CLTCL1: variants seen among roughly 807,000 people sequenced by gnomAD.
The protein encoded by CLTCL1 is clathrin heavy chain 2.
In CLTCL1, 159 loss-of-function variants were observed where a neutral mutation model predicts 190.0. The ratio of observed to expected loss-of-function variants is 0.84; its 90% CI spans 0.74 to 0.95. CLTCL1 has a LOEUF of 0.95. CLTCL1 is among the 40% of genes least tolerant of loss of function. The pLI is 0.00. For missense variants in CLTCL1, 1,878 were observed against 2,033.4 expected (o/e 0.92, Z 1.47); for synonymous variants, 752 against 769.6 (o/e 0.98, Z 0.38).
chr22:19,216,963 G>A (rs1383284104), intron 18 of CLTCL1, among the ~76,000 whole-genome samples: 1 of 152,294 alleles, frequency 6.6e-6, no homozygotes, highest in South Asian at 2.1e-4. Context: ...CAACAGCCGT[G>A]TATCAATGAG....
chr22:19,274,653 A>T (rs1555982214), intron 2 of CLTCL1, among the ~76,000 whole-genome samples: 1 of 152,124 alleles, frequency 6.6e-6, no homozygotes. Context: ...TCTGTAATAA[A>T]ATAGAAGCCT....
chr22:19,214,391 G>A (rs2085322639), intron 19 of CLTCL1, among the ~76,000 whole-genome samples: 1 of 152,100 alleles, frequency 6.6e-6, no homozygotes, highest in Admixed American at 6.5e-5. Flanking sequence ...CCTCTCACCG[G>A]AGGGTGTGCT....
At chr22:19,250,012 G>A (rs782812426) in intron 3 of CLTCL1, 31 of 301,566 alleles carry the variant, frequency 1.0e-4, no homozygotes, top group Non-Finnish European at 1.7e-4. Flanking sequence ...CCAGAACTTT[G>A]GGAGGCCGAG....
intron 2 of CLTCL1, among the ~76,000 whole-genome samples, chr22:19,270,700 C>T (rs1333699368): frequency 7.5e-6 from 1 of 132,600 alleles, no homozygotes; most frequent in Non-Finnish European, 1.5e-5. Context: ...GCACTCCAGC[C>T]TGGGCAACAG....
intron 6 of CLTCL1, among the ~76,000 whole-genome samples, chr22:19,234,972 G>A (rs140837180): frequency 6.6e-6 from 1 of 152,144 alleles, no homozygotes; most frequent in Non-Finnish European, 1.5e-5. Flanking sequence ...TGACCTATGT[G>A]GATGGAACTG....
In CLTCL1 at chr22:19,191,342, G is replaced by A. The variant is rs190366603; in HGVS notation, c.4285C>T (p.Arg1429Trp). The A allele has an allele frequency of 1.3e-4, 215 of 1,613,958 alleles. No individual in the cohort carries two copies. In the African/African-American group the frequency reaches 2.3e-3, roughly 17 times the overall value. ...CTGACTGTCCAGGTGTGGTCCAGCC[G>A]GGGTGAAAGCACCAGCAGCAGGTCA... is the stretch of plus-strand genomic sequence containing the variant. Reference protein sequence around the residue: ...INDLLLVLSPRLDHTWTVSFF... With the variant: ...INDLLLVLSPWLDHTWTVSFF... The change falls in exon 27 of 33, where the codon CGG (arginine) becomes TGG (tryptophan). Residue 1429 changes from arginine to tryptophan, a missense_variant. By Grantham distance (101) the Arg-to-Trp change is moderately radical. Coordinates refer to ENST00000427926, the MANE Select transcript of CLTCL1 (RefSeq NM_007098.4).
At chr22:19,202,201 A>G (rs1326466282) in intron 22 of CLTCL1, among the ~76,000 whole-genome samples, 1 of 151,610 alleles carries the variant, frequency 6.6e-6, no homozygotes, top group Non-Finnish European at 1.5e-5. Flanking sequence ...TTCACTCTTG[A>G]CTCTCCTGAT....
chr22:19,222,643 C>G, intron 15 of CLTCL1, 41 bp downstream of exon 15: 1 of 1,571,886 alleles, frequency 6.4e-7, no homozygotes, highest in Non-Finnish European at 8.6e-7. Flanking sequence ...CTGACTGGGG[C>G]CCAGAGGCAG....
At chr22:19,272,610 A>G (rs1229689504) in intron 2 of CLTCL1, among the ~76,000 whole-genome samples, 4 of 152,094 alleles carry the variant, frequency 2.6e-5, no homozygotes, top group African/African-American at 9.7e-5. Flanking sequence ...AACTGAGATT[A>G]CAGGTGCACG....
rs782750787 is a variant in CLTCL1, at chr22:19,223,911, G to A, written c.2272C>T (p.Arg758Cys). 1.3e-5 allele frequency: 21 copies of A among 1,613,676 alleles called. No individual in the cohort carries two copies. The African/African-American group carries it at 1.9e-4, about 14-fold the overall frequency. ...CACACCTTCAGGAAGTTCTTCACAC[G>A]CTCTGGGTTGTAGCAGCTGCTCTCT... The part of the protein sequence containing the change: ...CRESSCYNPE[R>C]VKNFLKEAKL... Residue 758 changes from arginine (R) to cysteine (C), a missense_variant, in exon 14 of 33, where the codon CGT becomes TGT. Physicochemically the swap from Arg to Cys is radical, Grantham distance 180. Coordinates refer to ENST00000427926, the MANE Select transcript of CLTCL1 (RefSeq NM_007098.4).
intron 30 of CLTCL1, 119 bp from the exon 31 acceptor site, chr22:19,180,925 G>C: frequency 1.2e-6 from 1 of 822,400 alleles, no homozygotes; most frequent in Non-Finnish European, 2.1e-6. Flanking sequence ...TGGAGGAGGT[G>C]CACATGGGCA....
At chr22:19,222,225 A>T (rs1451284921) in intron 15 of CLTCL1, 132 bp from the exon 16 acceptor site, 1 of 850,962 alleles carries the variant, frequency 1.2e-6, no homozygotes, top group East Asian at 2.4e-5. Flanking sequence ...TCCCACCAAA[A>T]TTCACCTGCT....
intron 2 of CLTCL1, among the ~76,000 whole-genome samples, chr22:19,256,354 CT>C (rs1239133099): frequency 0.019 from 2,001 of 104,276 alleles, 17 homozygotes; most frequent in African/African-American, 0.065. Flanking sequence ...TTTCTTTTAT[CT>C]TTTTTTTTTT....
At position 19,219,966 on chromosome 22, in the gene CLTCL1, G is replaced by C; in HGVS notation, c.2838C>G (p.Tyr946Ter). 1 of 1,614,048 alleles carries C rather than the reference G, an allele frequency of 6.2e-7. No homozygotes were observed. Among genetic ancestry groups the C allele is most frequent in the South Asian group, 1.1e-5 (1 of 91,088 alleles). The change falls in exon 18 of 33, where the codon TAC becomes TAG. Residue 946 changes from tyrosine to a stop codon, truncating the protein, a stop_gained. Coordinates refer to ENST00000427926, the MANE Select transcript of CLTCL1 (RefSeq NM_007098.4). LOFTEE classifies it high-confidence loss of function. Reference sequence around the variant, plus strand: ...GCTCCGGATCCTTTCTGCATACCAGGTAGCGGGCCTCGCTTTTGAACAGAG... The same window carrying C: ...GCTCCGGATCCTTTCTGCATACCAGCTAGCGGGCCTCGCTTTTGAACAGAG... ...ENSLFKSEAR[Y>*]LVCRKDPELW...
At chr22:19,182,859 GGA>G (rs1488185613) in intron 30 of CLTCL1, 6 of 161,146 alleles carry the variant, frequency 3.7e-5, no homozygotes, top group Non-Finnish European at 8.1e-5. Context: ...CAACACCCAG[GGA>G]GAGTTTTACA....
At chr22:19,272,756 GC>G (rs1453460295) in intron 2 of CLTCL1, among the ~76,000 whole-genome samples, 1 of 152,198 alleles carries the variant, frequency 6.6e-6, no homozygotes, top group African/African-American at 2.4e-5. Context: ...ACAGGCGTGA[GC>G]CACCACGCCC....
At chr22:19,282,432 G>A (rs2087751132) in intron 1 of CLTCL1, among the ~76,000 whole-genome samples, 1 of 151,520 alleles carries the variant, frequency 6.6e-6, no homozygotes, top group Non-Finnish European at 1.5e-5. Flanking sequence ...GAGATCAGGA[G>A]TTCAAGACCA....
chr22:19,190,796 G>C (rs1330957315), intron 27 of CLTCL1, among the ~76,000 whole-genome samples: 1 of 123,862 alleles, frequency 8.1e-6, no homozygotes, highest in Non-Finnish European at 1.7e-5. Context: ...TTTTTCTTTT[G>C]AGACAGAGTC....
intron 2 of CLTCL1, among the ~76,000 whole-genome samples, chr22:19,264,300 T>A (rs1283442756): frequency 6.7e-6 from 1 of 148,836 alleles, no homozygotes; most frequent in Admixed American, 6.7e-5. Context: ...AAATAACAAG[T>A]GTTAGCAAGA....
Sources: allele counts gnomAD v4.1 joint callset (sites outside exome capture counted in the v4.1 genomes callset), GRCh38; gene constraint gnomAD v4.1.1; transcripts MANE v1.5; gene names NCBI Gene and HGNC (gene_info 2026-07-23, HGNC 2026-07-21).